MANSC1: variants seen among roughly 807,000 people sequenced by gnomAD.
MANSC1 encodes MANSC domain-containing protein 1.
MANSC1 carries 13 observed loss-of-function variants against 14.1 expected under a neutral mutation model. The ratio of observed to expected loss-of-function variants is 0.92; its 90% CI spans 0.60 to 1.46. The LOEUF (loss-of-function observed/expected upper bound fraction) is 1.46, where lower values mean the gene tolerates loss of function less well. Ranked by LOEUF, MANSC1 falls within the 40% of genes most tolerant of loss-of-function variation. The probability of loss-of-function intolerance (pLI) is 0.00; values close to 1 mark genes in which losing one functional copy is unlikely to be tolerated. For missense variants in MANSC1, 486 were observed against 511.4 expected (o/e 0.95, Z 0.48); for synonymous variants, 227 against 200.7 (o/e 1.13, Z -1.11).
intron 1 of MANSC1, among the ~76,000 whole-genome samples, chr12:12,345,320 CAA>C (rs35001300): frequency 1.4e-4 from 13 of 93,056 alleles, no homozygotes; most frequent in Admixed American, 2.3e-4. Context: ...AACTCCGTCT[CAA>C]AAAAAAAAAA....
In MANSC1 at chr12:12,343,113, A is replaced by T. The variant is rs144653252; in HGVS notation, c.202T>A (p.Cys68Ser). 4.0e-5 allele frequency: 65 copies of T among 1,612,978 alleles called. No individual in the cohort carries two copies. The highest frequency in any genetic ancestry group is 5.4e-5 in the Non-Finnish European group (64 of 1,179,068). Residue 68 changes from cysteine to serine, a missense_variant, in exon 2 of 4, where the codon TGT becomes AGT. Transcript: ENST00000535902. ...STQEDCINSC[C>S]STKNISGDKA... ...TTACCTGATATGTTTTTTGTTGAAC[A>T]GCAAGAATTAATGCAGTCTTCTTGA...
chr12:12,330,099 G>A lies in MANSC1; in HGVS notation c.1224C>T (p.Leu408=), dbSNP rs143567594. The A allele has an allele frequency of 8.5e-3, 13,771 of 1,614,090 alleles. 94 individuals carry two copies. The highest frequency in any genetic ancestry group is 0.01 in the Non-Finnish European group (11,936 of 1,180,012). Residue 408 remains leucine, a synonymous_variant, in exon 4 of 4, where the codon CTC becomes CTT. Coordinates refer to ENST00000535902, the MANE Select transcript of MANSC1 (RefSeq NM_018050.4). ...AACGTTTCCTGCGGAGTGATTCCGA[G>A]AGGATTCTACCCAGGAGGACGAGGC... The part of the protein sequence containing the change: ...VIGLVLLGRI[L]SESLRRKRYS...
At chr12:12,334,489 T>TA (rs1188595439) in intron 3 of MANSC1, among the ~76,000 whole-genome samples, 2 of 152,186 alleles carry the variant, frequency 1.3e-5, no homozygotes, top group African/African-American at 4.8e-5. Flanking sequence ...ATCCTGTAGA[T>TA]ATAAACAGTC....
At chr12:12,333,617 G>T (rs544807240) in intron 3 of MANSC1, among the ~76,000 whole-genome samples, 33 of 152,310 alleles carry the variant, frequency 2.2e-4, no homozygotes, top group African/African-American at 7.9e-4. Context: ...ATTGGGGCAT[G>T]GTGCTTCCTC....
In MANSC1 at chr12:12,330,384, C is replaced by A. The variant is rs3741801; in HGVS notation, c.939G>T (p.Ser313=). 1 of 1,613,998 alleles carries A rather than the reference C, an allele frequency of 6.2e-7. No individual in the cohort carries two copies. The highest frequency in any genetic ancestry group is 2.2e-5 in the East Asian group (1 of 44,898). The part of the protein sequence containing the change: ...LTTTFQAPTD[S]KGSLETIPFT... ...ACGGTATGGTTTCTAAGCTGCCTTT[C>A]GAGTCCGTAGGTGCCTGAAAGGTGG... Residue 313 remains serine, a synonymous_variant, in exon 4 of 4, where the codon TCG becomes TCT. Coordinates refer to ENST00000535902, the MANE Select transcript of MANSC1 (RefSeq NM_018050.4).
rs1862701353 is a variant in MANSC1, at chr12:12,326,323, C to T, written c.*3704G>A. 6.6e-6 allele frequency: 1 copy of T among 152,172 alleles called. No individual in the cohort carries two copies. 9.4% of individuals were successfully genotyped at this position (152,172 alleles called of 1,614,324 possible). On this transcript the variant is annotated 3_prime_UTR_variant, in exon 4 of 4. Transcript: ENST00000535902. ...AGGGCTTTTCTCCTTGTGCAGCCTT[C>T]CCTTTACAAGCAAGAAAATCTCTCC...
Position 12,337,503 on chromosome 12 carries a change from G to A in MANSC1, c.364+917C>T, listed in dbSNP as rs189433126. ...CTGAACCCGGGAGGCGGAGCTTGCA[G>A]TGAGCCGAGATCGCACCACTGCACT... is the stretch of plus-strand genomic sequence containing the variant. On this transcript the variant is annotated intron_variant, in intron 3 of 3. Coordinates refer to ENST00000535902, the MANE Select transcript of MANSC1 (RefSeq NM_018050.4). Among the ~76,000 whole-genome samples the A allele has an allele frequency of 7.3e-3, 1,108 of 152,150 alleles. 6 individuals carry two copies. Among genetic ancestry groups the A allele is most frequent in the Non-Finnish European group, 0.012 (830 of 68,000 alleles).
At chr12:12,342,411 C>A (rs1259829875) in intron 2 of MANSC1, among the ~76,000 whole-genome samples, 1 of 152,148 alleles carries the variant, frequency 6.6e-6, no homozygotes, top group Non-Finnish European at 1.5e-5. Flanking sequence ...TACTAAAATA[C>A]ACAGTATACT....
intron 1 of MANSC1, among the ~76,000 whole-genome samples, chr12:12,344,431 G>GA (rs1177957292): frequency 6.6e-6 from 1 of 150,622 alleles, no homozygotes; most frequent in East Asian, 1.9e-4. Context: ...TAAGCAGGCA[G>GA]AAAATGCGAA....
At chr12:12,337,708 A>G (rs1051437983) in intron 3 of MANSC1, among the ~76,000 whole-genome samples, 2 of 152,228 alleles carry the variant, frequency 1.3e-5, no homozygotes, top group African/African-American at 2.4e-5. Context: ...GATAATCTCA[A>G]AAAAAAGAAA....
rs1194259067 is a variant in MANSC1, at chr12:12,326,624, TTTTG to T, written c.*3399_*3402del. 3 of 84,990 alleles carry T rather than the reference TTTTG, an allele frequency of 3.5e-5. No individual in the cohort carries two copies. The highest frequency in any genetic ancestry group is 3.1e-4 in the East Asian group (1 of 3,182). 5.3% of individuals were successfully genotyped at this position (84,990 alleles called of 1,614,324 possible). ...TTTAGTTTTTTTTTTGTTGTTGTTG[TTTTG>T]TTTTTTTTTTTGAGATGGGCTCTCG... On this transcript the variant is annotated 3_prime_UTR_variant, in exon 4 of 4. Coordinates refer to ENST00000535902, the MANE Select transcript of MANSC1 (RefSeq NM_018050.4).
chr12:12,331,339 G>A (rs533652037), intron 3 of MANSC1, among the ~76,000 whole-genome samples: 1 of 152,350 alleles, frequency 6.6e-6, no homozygotes, highest in Non-Finnish European at 1.5e-5. Context: ...AGAAATGTGT[G>A]GAGGAGGACC....
chr12:12,338,835 G>C (rs1862894841), intron 2 of MANSC1: 1 of 467,216 alleles, frequency 2.1e-6, no homozygotes, highest in South Asian at 2.2e-5. Flanking sequence ...CCAAAGCAAA[G>C]TCTTTAAAGG....
intron 1 of MANSC1, among the ~76,000 whole-genome samples, chr12:12,347,443 A>G (rs1863024182): frequency 6.6e-6 from 1 of 152,194 alleles, no homozygotes; most frequent in Non-Finnish European, 1.5e-5. Flanking sequence ...TCTCTGGCCC[A>G]CTGCTCACCT....
chr12:12,333,515 T>G (rs554545867), intron 3 of MANSC1, among the ~76,000 whole-genome samples: 1 of 152,198 alleles, frequency 6.6e-6, no homozygotes, highest in Non-Finnish European at 1.5e-5. Flanking sequence ...CCAGTCCCAC[T>G]TCTTGATAAG....
In MANSC1 at chr12:12,343,347, G is replaced by T. The variant is rs1862963749; in HGVS notation, c.-33C>A. 6.6e-7 allele frequency: 1 copy of T among 1,508,534 alleles called. No individual in the cohort carries two copies. Among genetic ancestry groups the T allele is most frequent in the Non-Finnish European group, 9.2e-7 (1 of 1,085,618 alleles). 93.4% of individuals were successfully genotyped at this position (1,508,534 alleles called of 1,614,324 possible). ...TTCAGTTTAGTTTTGGTCTTCAAAG[G>T]TCAAGGATAATCCTCCCTCTGGTCT... On this transcript the variant is annotated 5_prime_UTR_variant, in exon 2 of 4. Transcript: ENST00000535902.
chr12:12,339,586 G>A (rs970881862), intron 2 of MANSC1, among the ~76,000 whole-genome samples: 1 of 152,112 alleles, frequency 6.6e-6, no homozygotes, highest in Non-Finnish European at 1.5e-5. Context: ...GATTCTGAAA[G>A]CATCTCAGAT....
Position 12,330,481 on chromosome 12 carries a change from G to A in MANSC1, c.842C>T (p.Thr281Ile). ...CCGTGTAAAAACTGTAGAAATGAGG[G>A]TCGTGGGAGGCTGAGAAGTGACAGT... ...VTTVTSQPPT[T>I]LISTVFTRAA... Residue 281 changes from threonine (T) to isoleucine (I), a missense_variant, in exon 4 of 4, where the codon ACC becomes ATC. Physicochemically the swap from Thr to Ile is moderately conservative, Grantham distance 89 (BLOSUM62 -1). Transcript: ENST00000535902. 2 of 1,614,114 alleles carry A rather than the reference G, an allele frequency of 1.2e-6. No homozygotes were observed. The highest frequency in any genetic ancestry group is 1.7e-6 in the Non-Finnish European group (2 of 1,180,004).
intron 3 of MANSC1, among the ~76,000 whole-genome samples, chr12:12,337,612 T>C (rs910056729): frequency 6.6e-6 from 1 of 152,128 alleles, no homozygotes; most frequent in African/African-American, 2.4e-5. Flanking sequence ...CTAAATTCTG[T>C]AATTCTGATT....
Sources: allele counts gnomAD v4.1 joint callset (sites outside exome capture counted in the v4.1 genomes callset), GRCh38; gene constraint gnomAD v4.1.1; transcripts MANE v1.5; gene names NCBI Gene and HGNC (gene_info 2026-07-23, HGNC 2026-07-21).